The following VPS39 variants were observed in gnomAD, a reference collection of about 807,000 sequenced individuals.
VPS39 encodes vam6/Vps39-like protein.
In VPS39, 70 loss-of-function variants were observed where a neutral mutation model predicts 121.0. The observed-to-expected ratio is 0.58, with a 90% CI of 0.48 to 0.71. VPS39 has a LOEUF of 0.71. Among genes scored for constraint, VPS39 ranks in the 30% least tolerant of loss-of-function variants. VPS39 has a pLI of 0.00. For missense variants in VPS39, 818 were observed against 1,051.5 expected (o/e 0.78, Z 3.07); for synonymous variants, 378 against 398.1 (o/e 0.95, Z 0.60).
intron 4 of VPS39, among the ~76,000 whole-genome samples, chr15:42,190,172 T>C (rs926969713): frequency 6.6e-6 from 1 of 152,204 alleles, no homozygotes; most frequent in Non-Finnish European, 1.5e-5. Flanking sequence ...GCAGTATTTA[T>C]ACAAGAAATG....
chr15:42,160,826 T>C lies in VPS39; in HGVS notation c.2556A>G (p.Ala852=). The C allele has an allele frequency of 6.2e-7, 1 of 1,614,068 alleles. No individual in the cohort carries two copies. The highest frequency in any genetic ancestry group is 1.1e-5 in the South Asian group (1 of 91,072). ...MVCKKKIGNS[A]FARYPNGVVV... is the part of the protein sequence containing the mutation. The stretch of plus-strand genomic sequence containing the variant: ...CCACTCCATTGGGGTATCTTGCAAA[T>C]GCACTGCAGGGAAGAAAATGGCTTG... The change falls in exon 25 of 25, where the codon GCA becomes GCG. Residue 852 remains alanine (A), a synonymous_variant. Transcript: ENST00000318006.
intron 8 of VPS39, among the ~76,000 whole-genome samples, chr15:42,181,569 A>C (rs958275113): frequency 2.0e-5 from 3 of 152,280 alleles, no homozygotes; most frequent in African/African-American, 7.2e-5. Context: ...ACATTTAAAA[A>C]TAAAAATGTT....
chr15:42,161,601 G>T, intron 24 of VPS39, 81 bp downstream of exon 24: 1 of 1,393,976 alleles, frequency 7.2e-7, no homozygotes, highest in Non-Finnish European at 1.0e-6. Flanking sequence ...CTGTTAAAGG[G>T]CAGAAATCCA....
rs2049215918 is a variant in VPS39, at chr15:42,165,085, G to C, written c.1808C>G (p.Thr603Arg). 9 of 1,614,124 alleles carry C rather than the reference G, an allele frequency of 5.6e-6. No homozygotes were observed. The highest frequency in any genetic ancestry group is 7.6e-6 in the Non-Finnish European group (9 of 1,180,052). ...CAGGCAGTTGTGGAACCGAGAGCCT[G>C]TCTCCTCCCAAACATGGATGATGTG... The part of the protein sequence containing the change: ...LEHIIHVWEE[T>R]GSRFHNCLIQ... The change falls in exon 18 of 25, where the codon ACA (threonine) becomes AGA (arginine). Residue 603 changes from threonine to arginine, a missense_variant. Transcript: ENST00000318006.
Position 42,166,543 on chromosome 15 carries a change from C to T in VPS39, c.1606+20G>A, listed in dbSNP as rs749883519. On this transcript the variant is annotated intron_variant, in intron 15 of 24. Coordinates refer to ENST00000318006, the MANE Select transcript of VPS39 (RefSeq NM_015289.5). ...TTTGAACAGGAGCGCTTTCCCACCC[C>T]TTTCAAAAGGCGGACTTACCCAGAT... is the stretch of plus-strand genomic sequence containing the variant. 39 of 1,613,782 alleles carry T rather than the reference C, an allele frequency of 2.4e-5. No homozygotes were observed. Among genetic ancestry groups the T allele is most frequent in the Non-Finnish European group, 3.3e-5 (39 of 1,179,826 alleles).
chr15:42,206,052 C>T (rs1566914650), intron 1 of VPS39, among the ~76,000 whole-genome samples: 2 of 152,184 alleles, frequency 1.3e-5, no homozygotes, highest in African/African-American at 2.4e-5. Flanking sequence ...TTTGGCTATG[C>T]TACTGGACAT....
intron 2 of VPS39, 54 bp downstream of exon 2, chr15:42,199,842 G>T: frequency 2.0e-6 from 3 of 1,515,672 alleles, no homozygotes; most frequent in Non-Finnish European, 2.7e-6. Flanking sequence ...TTTCACAGTT[G>T]TATACTAGCT....
At chr15:42,189,053 G>T in intron 5 of VPS39, 61 bp downstream of exon 5, 2 of 1,175,836 alleles carry the variant, frequency 1.7e-6, no homozygotes, top group Non-Finnish European at 2.6e-6. Context: ...TGGTAGGAAT[G>T]ATGTAGGAAA....
intron 8 of VPS39, among the ~76,000 whole-genome samples, chr15:42,179,356 T>C (rs1225974683): frequency 6.6e-6 from 1 of 150,650 alleles, no homozygotes; most frequent in East Asian, 2.0e-4. Context: ...GATCACGAGG[T>C]CAGGAGATCG....
chr15:42,194,268 G>A (rs961332618), intron 2 of VPS39, among the ~76,000 whole-genome samples: 3 of 136,708 alleles, frequency 2.2e-5, no homozygotes, highest in African/African-American at 8.3e-5. Context: ...GAGGTCAGGA[G>A]TTAAAGACCA....
chr15:42,161,190 G>A lies in VPS39; in HGVS notation c.2553-361C>T, dbSNP rs188077306. The A allele has an allele frequency of 1.8e-5, 6 of 324,488 alleles. No individual in the cohort carries two copies. The East Asian group carries it at 4.1e-4, about 22-fold the overall frequency. The allele number at this position is 324,488 out of a possible 1,614,324, so 20.1% of individuals were successfully genotyped here. A position where few individuals can be genotyped will look rare whatever the true frequency, so the allele number is the denominator to read the frequency against. On this transcript the variant is annotated intron_variant, in intron 24 of 24. Coordinates refer to ENST00000318006, the MANE Select transcript of VPS39 (RefSeq NM_015289.5). ...AGGCTAATTCTGAAAAGGACGGCGA[G>A]TTTGTCTTTCTAAAGAAAAATATTT...
intron 2 of VPS39, chr15:42,192,132 A>G: frequency 2.0e-6 from 3 of 1,535,768 alleles, no homozygotes; most frequent in Non-Finnish European, 2.6e-6. Flanking sequence ...GTTATATACC[A>G]TAAAAACATG....
At chr15:42,169,073 A>T (rs1230778625) in intron 12 of VPS39, among the ~76,000 whole-genome samples, 1 of 152,206 alleles carries the variant, frequency 6.6e-6, no homozygotes. Flanking sequence ...TAAATCATAA[A>T]AAATTTTAAA....
At chr15:42,200,090 G>T in intron 1 of VPS39, 129 bp from the exon 2 acceptor site, 3 of 877,512 alleles carry the variant, frequency 3.4e-6, no homozygotes, top group Non-Finnish European at 4.8e-6. Flanking sequence ...TCAAGAAAAT[G>T]AGTTGCTTTT....
intron 1 of VPS39, among the ~76,000 whole-genome samples, chr15:42,201,742 C>G (rs2050073572): frequency 1.3e-5 from 2 of 152,152 alleles, no homozygotes; most frequent in Admixed American, 1.3e-4. Context: ...CTGACAGACC[C>G]ATATTACATC....
intron 1 of VPS39, among the ~76,000 whole-genome samples, chr15:42,205,422 A>G (rs1249585219): frequency 6.6e-6 from 1 of 152,242 alleles, no homozygotes; most frequent in Admixed American, 6.5e-5. Context: ...GGAATGAACC[A>G]TATATACAAA....
At chr15:42,184,738 C>G in intron 7 of VPS39, 38 bp from the exon 8 acceptor site, 1 of 1,571,988 alleles carries the variant, frequency 6.4e-7, no homozygotes, top group Non-Finnish European at 8.6e-7. Context: ...TAGCATTCCC[C>G]AGCCAGAGGT....
intron 2 of VPS39, among the ~76,000 whole-genome samples, chr15:42,199,380 G>C (rs1038807414): frequency 7.9e-5 from 12 of 152,126 alleles, no homozygotes; most frequent in Non-Finnish European, 1.6e-4. Flanking sequence ...GTGGGGCAGA[G>C]AGTTTATAGA....
intron 20 of VPS39, 56 bp from the exon 21 acceptor site, chr15:42,163,451 G>A (rs1394945928): frequency 6.2e-6 from 10 of 1,607,050 alleles, no homozygotes; most frequent in Non-Finnish European, 8.5e-6. Context: ...ATCTAAATGA[G>A]AGGCTGTGCG....
Sources: gnomAD v4.1 joint callset for allele counts (sites outside exome capture counted in the v4.1 genomes callset) on GRCh38, gnomAD v4.1.1 for gene constraint, MANE v1.5 for transcripts, NCBI Gene and HGNC (gene_info 2026-07-23, HGNC 2026-07-21) for gene names.